The following ZBTB49 variants were observed in gnomAD, a reference collection of about 807,000 sequenced individuals.
ZBTB49 encodes zinc finger and BTB domain-containing protein 49.
A neutral mutation model predicts 57.5 loss-of-function variants in ZBTB49; 43 were observed. The observed-to-expected ratio is 0.75, with a 90% CI of 0.59 to 0.97. ZBTB49 has a LOEUF of 0.97. Among genes scored for constraint, ZBTB49 ranks in the 50% least tolerant of loss-of-function variants. The pLI, the probability that ZBTB49 is intolerant of heterozygous loss-of-function variation, is 0.00. For synonymous variants in ZBTB49, 369 were observed against 362.1 expected, an observed-to-expected ratio of 1.02 and a Z score of -0.22; for missense variants, 938 against 947.7, an observed-to-expected ratio of 0.99 and a Z score of 0.13.
Position 4,304,367 on chromosome 4 carries a change from A to G in ZBTB49, c.1255+1276A>G, listed in dbSNP as rs1429621632. ...GAGCCTCCCGAGTAGCTGGGACTAC[A>G]GGCATGCGCCACCAATTTTTTTGTA... On this transcript the variant is annotated intron_variant, in intron 3 of 7. Transcript: ENST00000337872. Among the ~76,000 whole-genome samples the G allele has an allele frequency of 4.6e-5, 7 of 151,934 alleles. No individual in the cohort carries two copies. In the East Asian group the frequency reaches 1.4e-3, roughly 29 times the overall value.
intron 2 of ZBTB49, among the ~76,000 whole-genome samples, chr4:4,301,162 A>T (rs941005144): frequency 6.6e-6 from 1 of 152,238 alleles, no homozygotes; most frequent in Non-Finnish European, 1.5e-5. Context: ...TTTTGCGCTT[A>T]AAAACAGAAC....
chr4:4,297,366 G>T (rs1720256399), intron 1 of ZBTB49, among the ~76,000 whole-genome samples: 1 of 152,088 alleles, frequency 6.6e-6, no homozygotes, highest in Non-Finnish European at 1.5e-5. Flanking sequence ...CACTGCGCCC[G>T]ACTGGGTTCA....
chr4:4,306,152 G>A lies in ZBTB49; in HGVS notation c.1270G>A (p.Glu424Lys). 6.2e-7 allele frequency: 1 copy of A among 1,612,776 alleles called. No individual in the cohort carries two copies. Among genetic ancestry groups the A allele is most frequent in the Non-Finnish European group, 8.5e-7 (1 of 1,179,576 alleles). Reference sequence around the variant, plus strand: ...TTTTGTTTTAGGTGAGAAACCTTTTGAATGTAACATTTGTGGGAAACATTT... The same window carrying A: ...TTTTGTTTTAGGTGAGAAACCTTTTAAATGTAACATTTGTGGGAAACATTT... ...KRSHTGEKPFECNICGKHFSQ... is the reference protein window; with the variant it reads ...KRSHTGEKPFKCNICGKHFSQ... Residue 424 changes from glutamate to lysine, a missense_variant, in exon 4 of 8, where the codon GAA becomes AAA. By Grantham distance (56) the Glu-to-Lys change is moderately conservative (BLOSUM62 1). Coordinates refer to ENST00000337872, the MANE Select transcript of ZBTB49 (RefSeq NM_145291.4).
intron 2 of ZBTB49, among the ~76,000 whole-genome samples, chr4:4,301,170 A>G (rs1720455769): frequency 6.6e-6 from 1 of 152,228 alleles, no homozygotes; most frequent in African/African-American, 2.4e-5. Context: ...TTAAAAACAG[A>G]ACTGAAGGCT....
intron 4 of ZBTB49, among the ~76,000 whole-genome samples, chr4:4,310,115 G>C (rs1044590736): frequency 6.6e-6 from 1 of 152,222 alleles, no homozygotes; most frequent in Non-Finnish European, 1.5e-5. Flanking sequence ...TCAAGTACCT[G>C]TCAGAAGGAG....
chr4:4,295,515 TAGTC>T (rs1457842239), intron 1 of ZBTB49, among the ~76,000 whole-genome samples: 6 of 152,224 alleles, frequency 3.9e-5, no homozygotes, highest in Admixed American at 6.5e-5. Context: ...CTGTGGTAAA[TAGTC>T]AGTAAATGAT....
chr4:4,302,418 T>A lies in ZBTB49; in HGVS notation c.582T>A (p.Ala194=), dbSNP rs751886683. 1 of 1,614,030 alleles carries A rather than the reference T, an allele frequency of 6.2e-7. No individual in the cohort carries two copies. The highest frequency in any genetic ancestry group is 8.5e-7 in the Non-Finnish European group (1 of 1,180,036). Residue 194 remains alanine, a synonymous_variant, in exon 3 of 8, where the codon GCT becomes GCA. Coordinates refer to ENST00000337872, the MANE Select transcript of ZBTB49 (RefSeq NM_145291.4). ...HHSAGEISKQ[A]PDTSDGSCTE... Reference sequence around the variant, plus strand: ...CCGCAGGTGAAATCTCAAAACAAGCTCCTGATACTTCAGATGGCAGCTGCA... The same window carrying A: ...CCGCAGGTGAAATCTCAAAACAAGCACCTGATACTTCAGATGGCAGCTGCA...
Position 4,302,010 on chromosome 4 carries a change from A to C in ZBTB49, c.174A>C (p.Ser58=). Residue 58 remains serine, a synonymous_variant, in exon 3 of 8, where the codon TCA becomes TCC. Transcript: ENST00000337872. ...CCAGGAGCCTCTTTCAGAATTCTTC[A>C]AGCCAGAAGAATGATGTTTTTCACT... ...QYFRSLFQNS[S]SQKNDVFHLD... 1 of 1,554,552 alleles carries C rather than the reference A, an allele frequency of 6.4e-7. No individual in the cohort carries two copies. Among genetic ancestry groups the C allele is most frequent in the Non-Finnish European group, 8.7e-7 (1 of 1,149,256 alleles).
chr4:4,318,892 A>ATG (rs1553807733), intron 7 of ZBTB49, among the ~76,000 whole-genome samples: 8 of 78,920 alleles, frequency 1.0e-4, no homozygotes, highest in Non-Finnish European at 1.9e-4. Flanking sequence ...GTTTTTTTTA[A>ATG]TCTTTTTTTT....
chr4:4,310,341 C>T (rs748647062), intron 4 of ZBTB49, among the ~76,000 whole-genome samples: 1 of 152,140 alleles, frequency 6.6e-6, no homozygotes, highest in Non-Finnish European at 1.5e-5. Context: ...TGACCCAAGG[C>T]TGGTTACTAA....
intron 7 of ZBTB49, among the ~76,000 whole-genome samples, chr4:4,316,695 A>G (rs1721208728): frequency 6.6e-6 from 1 of 152,224 alleles, no homozygotes. Context: ...TCAGGGCACC[A>G]TTCAGAGAGG....
intron 7 of ZBTB49, 64 bp downstream of exon 7, chr4:4,316,034 C>A: frequency 6.3e-7 from 1 of 1,581,564 alleles, no homozygotes; most frequent in South Asian, 1.2e-5. Context: ...GTCCCCCAGC[C>A]CTCATTAGCT....
At chr4:4,301,394 A>G (rs1376373408) in intron 2 of ZBTB49, among the ~76,000 whole-genome samples, 2 of 152,196 alleles carry the variant, frequency 1.3e-5, no homozygotes, top group Non-Finnish European at 2.9e-5. Flanking sequence ...GAAAAACCTA[A>G]CAGCCAAATA....
chr4:4,301,008 T>C (rs112068977), intron 2 of ZBTB49, among the ~76,000 whole-genome samples: 5,016 of 152,298 alleles, frequency 0.033, 106 homozygotes, highest in Middle Eastern at 0.075. Context: ...TAGACCACAT[T>C]ACACATTGTA....
intron 1 of ZBTB49, among the ~76,000 whole-genome samples, chr4:4,298,534 C>T (rs1281978113): frequency 6.6e-6 from 1 of 152,120 alleles, no homozygotes; most frequent in Non-Finnish European, 1.5e-5. Flanking sequence ...TCAAGCAGTC[C>T]TCCTCCCTCA....
At chr4:4,309,375 G>A (rs571697367) in intron 4 of ZBTB49, among the ~76,000 whole-genome samples, 4 of 152,300 alleles carry the variant, frequency 2.6e-5, no homozygotes, top group Admixed American at 1.3e-4. Context: ...TGACTGAGTC[G>A]CAGTCAGAGG....
intron 1 of ZBTB49, among the ~76,000 whole-genome samples, chr4:4,297,391 G>A (rs1258895992): frequency 1.3e-5 from 2 of 152,206 alleles, no homozygotes; most frequent in African/African-American, 4.8e-5. Context: ...TCTTAGTGAA[G>A]TTTAAGTCAC....
chr4:4,321,026 C>G lies in ZBTB49; in HGVS notation c.2008C>G (p.Leu670Val), dbSNP rs755660898. The G allele has an allele frequency of 7.4e-6, 12 of 1,614,202 alleles. No homozygotes were observed. The East Asian group carries it at 2.7e-4, about 36-fold the overall frequency. ...QPHGVSDQEK[L>V]SLDPGKLAKP... ...TCATGGAGTTAGTGACCAGGAGAAG[C>G]TGAGTTTGGATCCTGGTAAACTTGC... The change falls in exon 8 of 8, where the codon CTG becomes GTG. Residue 670 changes from leucine to valine, a missense_variant. This residue lies in a region of ZBTB49 where 835 missense variants were observed against 819.1 expected (regional missense o/e 1.02). Transcript: ENST00000337872.
chr4:4,291,679 G>GTTGT (rs1005248674), intron 1 of ZBTB49, among the ~76,000 whole-genome samples: 5 of 152,172 alleles, frequency 3.3e-5, no homozygotes, highest in Non-Finnish European at 7.4e-5. Context: ...TTTGGTTGTT[G>GTTGT]TTGTTTGTTT....
Sources: gnomAD v4.1 joint callset for allele counts (sites outside exome capture counted in the v4.1 genomes callset) on GRCh38, gnomAD v4.1.1 for gene constraint, gnomAD v4.1.1 regional missense constraint, MANE v1.5 for transcripts, NCBI Gene and HGNC (gene_info 2026-07-23, HGNC 2026-07-21) for gene names.